Variants in COQ8A observed in about 807,000 individuals in gnomAD.
COQ8A encodes the protein coenzyme Q8A, also known as atypical kinase COQ8A, mitochondrial.
Under a neutral mutation model 65.0 loss-of-function variants are expected in COQ8A, and 51 were observed. That is an observed-to-expected ratio of 0.78 (90% CI 0.63 to 0.99). The LOEUF is 0.99. Ranked by LOEUF, COQ8A falls within the 50% of genes least tolerant of loss-of-function variation. The pLI, the probability that COQ8A is intolerant of heterozygous loss-of-function variation, is 0.00. For missense variants in COQ8A, 940 were observed against 875.0 expected (o/e 1.07, Z -0.94); for synonymous variants, 371 against 353.2 (o/e 1.05, Z -0.57).
intron 1 of COQ8A, among the ~76,000 whole-genome samples, chr1:226,953,083 G>A (rs999640752): frequency 2.0e-5 from 3 of 152,190 alleles, no homozygotes; most frequent in East Asian, 1.9e-4. Flanking sequence ...AGGCTGGAGT[G>A]CAGTGGCATG....
chr1:226,984,627 A>G lies in COQ8A; in HGVS notation c.1478A>G (p.Asn493Ser), dbSNP rs760655614. 59 of 1,613,996 alleles carry G rather than the reference A, an allele frequency of 3.7e-5. No homozygotes were observed. Among genetic ancestry groups the G allele is most frequent in the Non-Finnish European group, 4.7e-5 (56 of 1,179,990 alleles). ...ATGCAAACAGACCCCAACTGGTCCAACTTCTTCTATGACCCCCAGCAGCAC... is the reference window on the plus strand; with the variant it reads ...ATGCAAACAGACCCCAACTGGTCCAGCTTCTTCTATGACCCCCAGCAGCAC... ...HFMQTDPNWSNFFYDPQQHKV... is the reference protein window; with the variant it reads ...HFMQTDPNWSSFFYDPQQHKV... Residue 493 changes from asparagine to serine, a missense_variant, in exon 12 of 15, where the codon AAC becomes AGC. By Grantham distance (46) the Asn-to-Ser change is conservative. Coordinates refer to ENST00000366777, the MANE Select transcript of COQ8A (RefSeq NM_020247.5).
chr1:226,964,535 C>T (rs967797895), intron 2 of COQ8A, among the ~76,000 whole-genome samples: 1 of 152,186 alleles, frequency 6.6e-6, no homozygotes, highest in Non-Finnish European at 1.5e-5. Context: ...TGGTGGGTGG[C>T]ATCCATGTCT....
intron 1 of COQ8A, among the ~76,000 whole-genome samples, chr1:226,960,389 TC>T (rs1658131291): frequency 1.0e-3 from 1 of 982 alleles, no homozygotes; most frequent in Non-Finnish European, 2.5e-3. Context: ...CTTGGTGGTG[TC>T]AGTGGTGGTA....
chr1:226,960,020 G>C (rs1237806860), intron 1 of COQ8A, among the ~76,000 whole-genome samples: 1 of 152,060 alleles, frequency 6.6e-6, no homozygotes, highest in Non-Finnish European at 1.5e-5. Context: ...GTTGGTGCTT[G>C]GTGGTGGTGG....
At chr1:226,982,856 G>A (rs758449485) in intron 7 of COQ8A, 38 bp from the exon 8 acceptor site, 1 of 1,612,648 alleles carries the variant, frequency 6.2e-7, no homozygotes, top group Admixed American at 1.7e-5. Context: ...GGCCCAGGCA[G>A]GGCATGCTCA....
chr1:226,966,758 G>A (rs1168736213), intron 4 of COQ8A, among the ~76,000 whole-genome samples: 1 of 152,070 alleles, frequency 6.6e-6, no homozygotes, highest in East Asian at 1.9e-4. Context: ...CTCCGCTCCT[G>A]CCTATTCTCT....
intron 6 of COQ8A, 52 bp downstream of exon 6, chr1:226,982,201 G>T: frequency 6.5e-7 from 1 of 1,540,870 alleles, no homozygotes; most frequent in Non-Finnish European, 8.8e-7. Flanking sequence ...TGCTGGGGGG[G>T]TCAACTTCCA....
At chr1:226,959,381 T>C (rs1207783035) in intron 1 of COQ8A, among the ~76,000 whole-genome samples, 1 of 151,650 alleles carries the variant, frequency 6.6e-6, no homozygotes, top group Non-Finnish European at 1.5e-5. Flanking sequence ...TGAACAGCCT[T>C]GACACTCCAG....
intron 4 of COQ8A, among the ~76,000 whole-genome samples, chr1:226,973,140 G>C (rs1055293034): frequency 1.3e-5 from 2 of 152,256 alleles, no homozygotes; most frequent in Non-Finnish European, 2.9e-5. Context: ...AGGCAGTGAC[G>C]CCAGCCTGAT....
chr1:226,968,300 A>G (rs1658680430), intron 4 of COQ8A, among the ~76,000 whole-genome samples: 1 of 152,144 alleles, frequency 6.6e-6, no homozygotes, highest in African/African-American at 2.4e-5. Context: ...GCGCCACTGC[A>G]CTCCAGTGGG....
At chr1:226,984,361 T>C in intron 11 of COQ8A, 126 bp downstream of exon 11, 3 of 1,448,852 alleles carry the variant, frequency 2.1e-6, no homozygotes, top group South Asian at 2.4e-5. Context: ...GGCAGTGAAG[T>C]AGCACCAGTG....
At chr1:226,956,825 G>C (rs111931949) in intron 1 of COQ8A, among the ~76,000 whole-genome samples, 2 of 87,196 alleles carry the variant, frequency 2.3e-5, no homozygotes, top group Admixed American at 1.4e-4. Flanking sequence ...GCCACTCCCT[G>C]GTTCACACTC....
rs1659126422 is a variant in COQ8A at position 226,975,332 on chromosome 1, C to T, written c.656-2117C>T. Among the ~76,000 whole-genome samples the T allele has an allele frequency of 1.3e-5, 2 of 152,176 alleles. 1 individual carries two copies. Among genetic ancestry groups the T allele is most frequent in the South Asian group, 4.1e-4 (2 of 4,828 alleles). The stretch of plus-strand genomic sequence containing the variant: ...GTTGTCACTCCTGAGGGCCAGGAGG[C>T]TCAGCTTATCCTGCCCCATGCTGCC... On this transcript the variant is annotated intron_variant, in intron 4 of 14. Coordinates refer to ENST00000366777, the MANE Select transcript of COQ8A (RefSeq NM_020247.5).
At chr1:226,955,871 T>C (rs1325366504) in intron 1 of COQ8A, among the ~76,000 whole-genome samples, 1 of 86,218 alleles carries the variant, frequency 1.2e-5, no homozygotes, top group African/African-American at 5.0e-5. Context: ...CTCTCCCTGG[T>C]TCACACTCTC....
chr1:226,973,140 G>A (rs1055293034), intron 4 of COQ8A, among the ~76,000 whole-genome samples: 1 of 152,256 alleles, frequency 6.6e-6, no homozygotes, highest in African/African-American at 2.4e-5. Flanking sequence ...AGGCAGTGAC[G>A]CCAGCCTGAT....
intron 8 of COQ8A, chr1:226,983,245 GC>G: frequency 2.4e-6 from 2 of 829,244 alleles, no homozygotes; most frequent in Non-Finnish European, 3.7e-6. Flanking sequence ...GCACAGAGGG[GC>G]CCCCAGCAAG....
intron 7 of COQ8A, 25 bp downstream of exon 7, chr1:226,982,788 C>T (rs762415800): frequency 2.5e-6 from 4 of 1,613,300 alleles, no homozygotes; most frequent in Admixed American, 1.7e-5. Context: ...GCTCTGCCCA[C>T]TCTCTGTGGC....
chr1:226,987,274 C>T lies in COQ8A; in HGVS notation c.*537C>T, dbSNP rs1408065254. The T allele has an allele frequency of 6.3e-6, 1 of 159,250 alleles. No homozygotes were observed. The highest frequency in any genetic ancestry group is 2.4e-5 in the African/African-American group (1 of 41,506). 9.9% of individuals were successfully genotyped at this position (159,250 alleles called of 1,614,324 possible). A position where few individuals can be genotyped will look rare whatever the true frequency, so the allele number is the denominator to read the frequency against. Reference sequence around the variant, plus strand: ...CTCCTTAAGCCTGCGAGGCCCAGGCCTGTGGGGCTGGTTCTCACCTTTGAC... The same window carrying T: ...CTCCTTAAGCCTGCGAGGCCCAGGCTTGTGGGGCTGGTTCTCACCTTTGAC... On this transcript the variant is annotated 3_prime_UTR_variant, in exon 15 of 15. Transcript: ENST00000366777.
At position 226,962,996 on chromosome 1, in the gene COQ8A, C is replaced by T. The variant is rs534562842; in HGVS notation, c.177+1434C>T. ...GTGCCTGAGTGTGGGGCCTCGGCCT[C>T]GCTCTTGGGTGTTTTGCCTGTGGGA... On this transcript the variant is annotated intron_variant, in intron 2 of 14. Transcript: ENST00000366777. Among the ~76,000 whole-genome samples, 443 of 152,360 alleles carry T rather than the reference C, an allele frequency of 2.9e-3. 5 individuals carry two copies. The highest frequency in any genetic ancestry group is 4.0e-3 in the Non-Finnish European group (274 of 68,030).
Sources: allele counts gnomAD v4.1 joint callset (sites outside exome capture counted in the v4.1 genomes callset), GRCh38; gene constraint gnomAD v4.1.1; transcripts MANE v1.5; gene names NCBI Gene and HGNC (gene_info 2026-07-23, HGNC 2026-07-21).